The following CTCFL variants were observed in gnomAD, a reference collection of about 807,000 sequenced individuals.
The protein encoded by CTCFL is transcriptional repressor CTCFL.
A neutral mutation model predicts 67.4 loss-of-function variants in CTCFL; 36 were observed. That is an observed-to-expected ratio of 0.53 (90% confidence interval 0.41 to 0.71). CTCFL has a LOEUF of 0.71. CTCFL is among the 30% of genes least tolerant of loss of function. The probability of loss-of-function intolerance (pLI) is 0.00; values close to 1 mark genes in which losing one functional copy is unlikely to be tolerated. For synonymous variants in CTCFL, 324 were observed against 302.3 expected (o/e 1.07, Z -0.75); for missense variants, 786 against 835.2 (o/e 0.94, Z 0.73).
At chr20:57,524,350 T>C (rs2069684293) in intron 1 of CTCFL, 134 bp from the exon 2 acceptor site, 6 of 1,483,274 alleles carry the variant, frequency 4.0e-6, no homozygotes, top group Non-Finnish European at 3.5e-6. Flanking sequence ...TTGGACTTAG[T>C]AGGGTCAGAA....
At chr20:57,512,808 C>A (rs2068650958) in intron 7 of CTCFL, 56 bp from the exon 8 acceptor site, 3 of 1,547,568 alleles carry the variant, frequency 1.9e-6, no homozygotes, top group Non-Finnish European at 2.7e-6. Flanking sequence ...TGTTAGCCTG[C>A]TTCCCCTCTC....
At position 57,503,493 on chromosome 20, in the gene CTCFL, C is replaced by T. The variant is rs767731713; in HGVS notation, c.1783G>A (p.Ala595Thr). Reference sequence around the variant, plus strand: ...GCAGCTTCCTTCTGACCCTTTGTGGCTTCCTTCAGGATGGTCTGCTTCCTC... The same window carrying T: ...GCAGCTTCCTTCTGACCCTTTGTGGTTTCCTTCAGGATGGTCTGCTTCCTC... ...RKRKQTILKE[A>T]TKGQKEAAKG... is the part of the protein sequence containing the mutation. The change falls in exon 10 of 11, where the codon GCC becomes ACC. Residue 595 changes from alanine to threonine, a missense_variant. This residue lies in a region of CTCFL where 199 missense variants were observed against 196.7 expected (regional missense o/e 1.01). Coordinates refer to ENST00000243914, the MANE Select transcript of CTCFL (RefSeq NM_001386993.1). The T allele has an allele frequency of 6.8e-6, 11 of 1,614,118 alleles. No individual in the cohort carries two copies. The Admixed American group carries it at 1.3e-4, about 20-fold the overall frequency.
At chr20:57,510,589 C>T (rs117161419) in intron 8 of CTCFL, among the ~76,000 whole-genome samples, 10,151 of 152,222 alleles carry the variant, frequency 0.067, 357 homozygotes, top group Middle Eastern at 0.13. Flanking sequence ...CGGGGCCAGG[C>T]GCGGTGGCTC....
intron 9 of CTCFL, chr20:57,506,961 G>A: frequency 2.0e-6 from 2 of 984,660 alleles, no homozygotes; most frequent in Non-Finnish European, 2.4e-6. Flanking sequence ...CTACACTACT[G>A]TTTTAAGAAG....
At chr20:57,521,710 T>C (rs2069376758) in intron 3 of CTCFL, among the ~76,000 whole-genome samples, 1 of 152,226 alleles carries the variant, frequency 6.6e-6, no homozygotes, top group Non-Finnish European at 1.5e-5. Flanking sequence ...AAATGTGCTA[T>C]ACCCATACAG....
intron 3 of CTCFL, among the ~76,000 whole-genome samples, chr20:57,520,012 A>T (rs1164540222): frequency 6.6e-6 from 1 of 152,250 alleles, no homozygotes; most frequent in African/African-American, 2.4e-5. Flanking sequence ...CAGGGCAGAT[A>T]AAGACCATTT....
intron 9 of CTCFL, among the ~76,000 whole-genome samples, chr20:57,505,495 A>G (rs1349445647): frequency 6.6e-6 from 1 of 152,066 alleles, no homozygotes; most frequent in African/African-American, 2.4e-5. Context: ...TGACCTCGTG[A>G]TCCGCCCGCC....
intron 5 of CTCFL, among the ~76,000 whole-genome samples, chr20:57,517,283 CTTTTT>C (rs77609219): frequency 2.3e-5 from 3 of 130,762 alleles, no homozygotes; most frequent in East Asian, 2.2e-4. Flanking sequence ...AGTTCAAATG[CTTTTT>C]TTTTTTTTTT....
chr20:57,507,502 T>C (rs182199126), intron 9 of CTCFL: 1 of 686,172 alleles, frequency 1.5e-6, no homozygotes, highest in African/African-American at 1.8e-5. Context: ...CTGGCTGTTG[T>C]GCCGCTTTTA....
In CTCFL at chr20:57,519,230, C is replaced by T. The variant is rs767131270; in HGVS notation, c.902G>A (p.Arg301Gln). Residue 301 changes from arginine to glutamine, a missense_variant, in exon 4 of 11, where the codon CGG becomes CAG. Arg to Gln is a conservative substitution (Grantham distance 43). This residue lies in a region of CTCFL where 254 missense variants were observed against 333.9 expected (regional missense o/e 0.76). Coordinates refer to ENST00000243914, the MANE Select transcript of CTCFL (RefSeq NM_001386993.1). ...LKTFRTVTLL[R>Q]NHVNTHTGTR... ...ACCTGTGTGGGTGTTAACATGGTTC[C>T]GCAGCAGAGTGACCGTACGGAAGGT... 48 of 1,613,980 alleles carry T rather than the reference C, an allele frequency of 3.0e-5. No individual in the cohort carries two copies. Among genetic ancestry groups the T allele is most frequent in the Non-Finnish European group, 3.7e-5 (44 of 1,180,016 alleles).
At chr20:57,501,555 A>G (rs941802858) in intron 10 of CTCFL, among the ~76,000 whole-genome samples, 1 of 152,230 alleles carries the variant, frequency 6.6e-6, no homozygotes, top group Non-Finnish European at 1.5e-5. Context: ...TCCAAATGGA[A>G]TGCAGGCTGC....
downstream of CTCFL, chr20:57,496,197 G>C: frequency 1.9e-6 from 1 of 527,746 alleles, no homozygotes; most frequent in East Asian, 3.0e-5. Context: ...CGGTTCTCAA[G>C]GAATCTGGTC....
chr20:57,507,538 G>C (rs940254985), intron 9 of CTCFL: 3 of 699,682 alleles, frequency 4.3e-6, no homozygotes, highest in Non-Finnish European at 7.8e-6. Flanking sequence ...AGGCACCATG[G>C]CTTCCTACTT....
In CTCFL at chr20:57,512,682, G is replaced by A. The variant is rs2068640006; in HGVS notation, c.1401C>T (p.Phe467=). Residue 467 remains phenylalanine (F), a synonymous_variant, in exon 8 of 11, where the codon TTC becomes TTT. Transcript: ENST00000243914. ...GCTGAATGAGGGCATAGCGTTCATG[G>A]AAGACAGCAGAACAGTAGCGGCATT... The part of the protein sequence containing the change: ...ELKCRYCSAV[F]HERYALIQHQ... 2 of 1,614,078 alleles carry A rather than the reference G, an allele frequency of 1.2e-6. No homozygotes were observed. Among genetic ancestry groups the A allele is most frequent in the South Asian group, 1.1e-5 (1 of 91,090 alleles).
At chr20:57,502,794 T>C (rs1026061961) in intron 10 of CTCFL, among the ~76,000 whole-genome samples, 5 of 152,204 alleles carry the variant, frequency 3.3e-5, no homozygotes, top group African/African-American at 1.2e-4. Context: ...GGGGGCTGAA[T>C]GGTGACCCCT....
chr20:57,507,756 C>G (rs1460776556), intron 9 of CTCFL: 4 of 702,984 alleles, frequency 5.7e-6, no homozygotes, highest in Non-Finnish European at 1.0e-5. Context: ...CCAGGACCAC[C>G]CAGTTCAGCC....
intron 7 of CTCFL, 32 bp downstream of exon 7, chr20:57,514,560 T>A (rs776180915): frequency 1.9e-6 from 3 of 1,611,458 alleles, no homozygotes; most frequent in Non-Finnish European, 2.5e-6. Context: ...CAGCAAATGC[T>A]GTAGTAAAAG....
intron 9 of CTCFL, chr20:57,507,771 C>G (rs1396691008): frequency 1.4e-6 from 1 of 703,004 alleles, no homozygotes; most frequent in Non-Finnish European, 2.6e-6. Flanking sequence ...TCAGCCACTT[C>G]CGAGTTCCCA....
chr20:57,524,711 C>T, intron 1 of CTCFL: 1 of 997,606 alleles, frequency 1.0e-6, no homozygotes, highest in Non-Finnish European at 1.2e-6. Context: ...CGGGCCCGAG[C>T]AGGCATTCCC....
Sources: gnomAD v4.1 joint callset for allele counts (sites outside exome capture counted in the v4.1 genomes callset) on GRCh38, gnomAD v4.1.1 for gene constraint, gnomAD v4.1.1 regional missense constraint, MANE v1.5 for transcripts, NCBI Gene and HGNC (gene_info 2026-07-23, HGNC 2026-07-21) for gene names.